PTPRD: variants seen among roughly 807,000 people sequenced by gnomAD.
The protein encoded by PTPRD is protein tyrosine phosphatase receptor type D, also known as receptor-type tyrosine-protein phosphatase delta.
Under a neutral mutation model 214.5 loss-of-function variants are expected in PTPRD, and 34 were observed. That is an observed-to-expected ratio of 0.16 (90% CI 0.12 to 0.21). The LOEUF (loss-of-function observed/expected upper bound fraction) is 0.21, where lower values mean the gene tolerates loss of function less well. Among genes scored for constraint, PTPRD ranks in the 10% least tolerant of loss-of-function variants. The probability of loss-of-function intolerance (pLI) is 1.00; values close to 1 mark genes in which losing one functional copy is unlikely to be tolerated. For missense variants in PTPRD, 2,545 were observed against 2,398.7 expected (o/e 1.06, Z -1.27); for synonymous variants, 1,128 against 845.7 (o/e 1.33, Z -5.79).
intron 3 of PTPRD, among the ~76,000 whole-genome samples, chr9:10,158,757 T>C (rs2099109381): frequency 6.6e-6 from 1 of 152,094 alleles, no homozygotes; most frequent in African/African-American, 2.4e-5. Context: ...CTCTACACCG[T>C]TAAAAATGAG....
At chr9:8,317,976 A>T (rs201373884) in intron 45 of PTPRD, 34 bp from the exon 46 acceptor site, 1 of 1,583,136 alleles carries the variant, frequency 6.3e-7, no homozygotes, top group Admixed American at 1.7e-5. Context: ...GAAGCAAAAG[A>T]AGGGACCATG....
chr9:9,524,761 T>C (rs1407949498), intron 8 of PTPRD, among the ~76,000 whole-genome samples: 1 of 152,240 alleles, frequency 6.6e-6, no homozygotes, highest in Non-Finnish European at 1.5e-5. Flanking sequence ...ATTGACTAAA[T>C]TTTATGCAGG....
chr9:8,946,097 C>T (rs10759023), intron 11 of PTPRD, among the ~76,000 whole-genome samples: 45,294 of 151,960 alleles, frequency 0.3, 7,724 homozygotes, highest in East Asian at 0.74. Flanking sequence ...AATGTAAATA[C>T]ATACCTGTCT....
intron 14 of PTPRD, among the ~76,000 whole-genome samples, chr9:8,598,741 C>T (rs2094617636): frequency 6.6e-6 from 1 of 152,066 alleles, no homozygotes; most frequent in Admixed American, 6.5e-5. Context: ...TTGGAAGAGC[C>T]ATTTGTAAAG....
chr9:8,511,194 G>A (rs567628360), intron 21 of PTPRD, among the ~76,000 whole-genome samples: 2 of 152,110 alleles, frequency 1.3e-5, no homozygotes, highest in South Asian at 2.1e-4. Flanking sequence ...TCAGCCCCCT[G>A]AGTAGCTGAG....
chr9:9,430,378 A>C (rs1418643602), intron 8 of PTPRD, among the ~76,000 whole-genome samples: 1 of 151,268 alleles, frequency 6.6e-6, no homozygotes, highest in Non-Finnish European at 1.5e-5. Context: ...GAGAACTACA[A>C]ACCACTGCTC....
At chr9:10,026,666 T>G (rs2096928898) in intron 4 of PTPRD, among the ~76,000 whole-genome samples, 1 of 152,132 alleles carries the variant, frequency 6.6e-6, no homozygotes, top group Non-Finnish European at 1.5e-5. Flanking sequence ...TGTCAGTAAT[T>G]GTAAACAGCA....
intron 29 of PTPRD, among the ~76,000 whole-genome samples, chr9:8,484,911 T>C (rs1357885637): frequency 6.6e-6 from 1 of 152,176 alleles, no homozygotes; most frequent in Non-Finnish European, 1.5e-5. Context: ...ATAATATAAA[T>C]AGGTAGAAAC....
chr9:10,448,657 T>C (rs975199927), intron 2 of PTPRD, among the ~76,000 whole-genome samples: 4 of 152,032 alleles, frequency 2.6e-5, no homozygotes, highest in African/African-American at 9.7e-5. Context: ...ATTACTTTTT[T>C]CCTATTTTAC....
intron 2 of PTPRD, among the ~76,000 whole-genome samples, chr9:10,581,686 G>A (rs552507911): frequency 2.0e-5 from 3 of 152,144 alleles, no homozygotes; most frequent in African/African-American, 7.2e-5. Context: ...CTCGCTTGCT[G>A]TGTTAATTGG....
At position 8,714,619 on chromosome 9, in the gene PTPRD, C is replaced by A. The variant is rs542996953; in HGVS notation, c.64+19161G>T. On this transcript the variant is annotated intron_variant, in intron 12 of 45. Transcript: ENST00000381196. ...CTAGAACCTGCTAGTCAAGGTCCTG[C>A]CCTAGGGTCTTTGGACTGGCTGTTT... Among the ~76,000 whole-genome samples the A allele has an allele frequency of 3.9e-5, 6 of 152,274 alleles. No homozygotes were observed. The South Asian group carries it at 1.2e-3, about 32-fold the overall frequency.
At chr9:9,174,820 C>CT (rs928181798) in intron 10 of PTPRD, among the ~76,000 whole-genome samples, 8 of 151,862 alleles carry the variant, frequency 5.3e-5, no homozygotes, top group African/African-American at 1.4e-4. Flanking sequence ...TAATGATTTT[C>CT]TTTTTTTTAA....
At chr9:8,427,059 C>CT (rs1261556589) in intron 35 of PTPRD, among the ~76,000 whole-genome samples, 2 of 152,018 alleles carry the variant, frequency 1.3e-5, no homozygotes, top group African/African-American at 4.8e-5. Flanking sequence ...GGACTCTGTA[C>CT]TTTTTCATTT....
chr9:9,998,129 A>ATATATATATATATATATATATATATAT (rs1555449230), intron 4 of PTPRD, among the ~76,000 whole-genome samples: 7 of 91,454 alleles, frequency 7.7e-5, no homozygotes, highest in African/African-American at 4.1e-4. Flanking sequence ...AAAAAAAAAA[A>ATATATATATATATATATATATATATAT]ATATATATAT....
chr9:8,857,131 G>A (rs1453802978), intron 11 of PTPRD, among the ~76,000 whole-genome samples: 2 of 152,094 alleles, frequency 1.3e-5, no homozygotes, highest in Non-Finnish European at 2.9e-5. Flanking sequence ...CTCCTCTATG[G>A]CAGCTGCGTA....
chr9:9,485,051 A>G (rs1043930527), intron 8 of PTPRD, among the ~76,000 whole-genome samples: 1 of 152,230 alleles, frequency 6.6e-6, no homozygotes, highest in African/African-American at 2.4e-5. Flanking sequence ...CCCAAAGTGC[A>G]TTCAAGATAA....
chr9:10,510,193 A>G (rs997675618), intron 2 of PTPRD, among the ~76,000 whole-genome samples: 10 of 152,064 alleles, frequency 6.6e-5, no homozygotes, highest in Non-Finnish European at 1.3e-4. Flanking sequence ...GCTTAGTTTC[A>G]TTCCTTTCTT....
intron 3 of PTPRD, among the ~76,000 whole-genome samples, chr9:10,086,850 C>T (rs980627637): frequency 2.0e-5 from 3 of 151,776 alleles, no homozygotes; most frequent in East Asian, 1.9e-4. Context: ...AATTTAAATG[C>T]CTTTTGTGTA....
chr9:8,684,039 C>G (rs781111023), intron 12 of PTPRD, among the ~76,000 whole-genome samples: 4 of 152,100 alleles, frequency 2.6e-5, no homozygotes, highest in Non-Finnish European at 4.4e-5. Context: ...CTCCAGCTAC[C>G]CACCCCTCCT....
Sources: allele counts gnomAD v4.1 joint callset (sites outside exome capture counted in the v4.1 genomes callset), GRCh38; gene constraint gnomAD v4.1.1; transcripts MANE v1.5; gene names NCBI Gene and HGNC (gene_info 2026-07-23, HGNC 2026-07-21).